Variants in CNTNAP5 observed in about 807,000 individuals in gnomAD.
CNTNAP5 encodes contactin associated protein family member 5.
CNTNAP5 carries 72 observed loss-of-function variants against 150.2 expected under a neutral mutation model. The ratio of observed to expected loss-of-function variants is 0.48; its 90% confidence interval spans 0.40 to 0.58. The LOEUF is 0.58. CNTNAP5 is among the 20% of genes least tolerant of loss of function. The probability of loss-of-function intolerance (pLI) is 0.00; values close to 1 mark genes in which losing one functional copy is unlikely to be tolerated. For missense variants in CNTNAP5, 1,636 were observed against 1,626.2 expected (o/e 1.01, Z -0.10); for synonymous variants, 672 against 619.8 (o/e 1.08, Z -1.25).
chr2:124,082,348 C>CAAAAAAA (rs56285830), intron 1 of CNTNAP5, among the ~76,000 whole-genome samples: 1 of 73,576 alleles, frequency 1.4e-5, no homozygotes, highest in Non-Finnish European at 2.5e-5. Context: ...GACTCTCTCT[C>CAAAAAAA]AAAAAAAAAA....
At chr2:124,661,273 A>T (rs1358480092) in intron 13 of CNTNAP5, among the ~76,000 whole-genome samples, 1 of 152,156 alleles carries the variant, frequency 6.6e-6, no homozygotes, top group Non-Finnish European at 1.5e-5. Context: ...CACATTGCAC[A>T]TCTGTACAAA....
At chr2:124,028,529 G>T (rs1680959404) in intron 1 of CNTNAP5, among the ~76,000 whole-genome samples, 1 of 152,094 alleles carries the variant, frequency 6.6e-6, no homozygotes, top group Non-Finnish European at 1.5e-5. Context: ...AATAAAAACT[G>T]CAGAAATTCC....
At chr2:124,027,421 A>T (rs894195286) in intron 1 of CNTNAP5, among the ~76,000 whole-genome samples, 3 of 152,244 alleles carry the variant, frequency 2.0e-5, no homozygotes, top group Non-Finnish European at 4.4e-5. Flanking sequence ...TTGAAAAGCC[A>T]CAAAGGTGGG....
chr2:124,153,356 C>T (rs1684449139), intron 1 of CNTNAP5, among the ~76,000 whole-genome samples: 1 of 152,084 alleles, frequency 6.6e-6, no homozygotes, highest in African/African-American at 2.4e-5. Flanking sequence ...CAGATGCTGA[C>T]TAGGCTGCCG....
intron 12 of CNTNAP5, among the ~76,000 whole-genome samples, chr2:124,640,973 A>G (rs571786020): frequency 3.1e-4 from 47 of 151,996 alleles, no homozygotes; most frequent in African/African-American, 1.1e-3. Context: ...TAAAAAATAC[A>G]AAATTAGCTG....
intron 3 of CNTNAP5, among the ~76,000 whole-genome samples, chr2:124,264,389 T>C (rs2951179): frequency 0.047 from 5,894 of 126,480 alleles, 318 homozygotes; most frequent in African/African-American, 0.13. Context: ...CACACACACA[T>C]ACACACACAC....
chr2:124,388,603 C>T (rs542860391), intron 3 of CNTNAP5, among the ~76,000 whole-genome samples: 2 of 152,204 alleles, frequency 1.3e-5, no homozygotes, highest in Non-Finnish European at 2.9e-5. Flanking sequence ...CGCTCCTTGT[C>T]TTTCATAATC....
At chr2:124,848,708 T>C (rs1683098664) in intron 19 of CNTNAP5, among the ~76,000 whole-genome samples, 1 of 152,164 alleles carries the variant, frequency 6.6e-6, no homozygotes, top group South Asian at 2.1e-4. Flanking sequence ...AGGTGTGAGG[T>C]GATATCTTAT....
intron 3 of CNTNAP5, among the ~76,000 whole-genome samples, chr2:124,361,417 G>C (rs1573941562): frequency 7.0e-6 from 1 of 143,352 alleles, no homozygotes; most frequent in Admixed American, 7.1e-5. Flanking sequence ...TTTCTGTTCT[G>C]TTTTTTCCCC....
rs368532608 is a variant in CNTNAP5, at chr2:124,510,916, T to A, written c.1327+6360T>A. ...TCCAATGAATGAGCAACTACCTTGATAACCTAATTTATATATTTTAAGCTC... is the reference window on the plus strand; with the variant it reads ...TCCAATGAATGAGCAACTACCTTGAAAACCTAATTTATATATTTTAAGCTC... On this transcript the variant is annotated intron_variant, in intron 8 of 23. Coordinates refer to ENST00000682447, the MANE Select transcript of CNTNAP5 (RefSeq NM_001367498.1). 4.6e-5 allele frequency among the ~76,000 whole-genome samples: 7 copies of A among 152,186 alleles called. No homozygotes were observed. In the East Asian group the frequency reaches 9.6e-4, roughly 21 times the overall value.
intron 3 of CNTNAP5, among the ~76,000 whole-genome samples, chr2:124,274,615 T>C (rs1274179840): frequency 2.0e-5 from 3 of 152,224 alleles, no homozygotes; most frequent in Non-Finnish European, 1.5e-5. Context: ...GAGGAATGTT[T>C]GCATGTGCAG....
At chr2:124,563,926 T>A (rs1295680794) in intron 11 of CNTNAP5, among the ~76,000 whole-genome samples, 1 of 152,152 alleles carries the variant, frequency 6.6e-6, no homozygotes, top group Non-Finnish European at 1.5e-5. Context: ...ACTGGCCAAA[T>A]AAAGCCACGT....
intron 13 of CNTNAP5, among the ~76,000 whole-genome samples, chr2:124,732,560 C>T (rs553754683): frequency 1.2e-4 from 18 of 152,132 alleles, no homozygotes; most frequent in African/African-American, 3.9e-4. Flanking sequence ...AGTGAGCTCC[C>T]GGTAGACATG....
chr2:124,125,949 C>T (rs1429206859), intron 1 of CNTNAP5, among the ~76,000 whole-genome samples: 1 of 152,094 alleles, frequency 6.6e-6, no homozygotes, highest in Non-Finnish European at 1.5e-5. Context: ...TAAATGTCCA[C>T]AAGGGAAAGC....
intron 10 of CNTNAP5, among the ~76,000 whole-genome samples, chr2:124,528,979 T>C (rs778937453): frequency 2.0e-5 from 3 of 151,946 alleles, no homozygotes; most frequent in Non-Finnish European, 4.4e-5. Flanking sequence ...TTGGTGAAAA[T>C]TTACACACAT....
chr2:124,446,351 A>G (rs998428063), intron 5 of CNTNAP5, among the ~76,000 whole-genome samples: 1 of 152,048 alleles, frequency 6.6e-6, no homozygotes, highest in African/African-American at 2.4e-5. Context: ...CCCTTTACGT[A>G]TCCCAGCTTT....
At chr2:124,120,749 G>T (rs1376996596) in intron 1 of CNTNAP5, among the ~76,000 whole-genome samples, 1 of 152,154 alleles carries the variant, frequency 6.6e-6, no homozygotes, top group African/African-American at 2.4e-5. Context: ...TAGTGTGCTT[G>T]AAAGAGTCAC....
At chr2:124,899,454 T>G (rs867318392) in intron 21 of CNTNAP5, among the ~76,000 whole-genome samples, 3 of 151,544 alleles carry the variant, frequency 2.0e-5, no homozygotes, top group Non-Finnish European at 4.4e-5. Context: ...GAACCTTATT[T>G]TGATGATATT....
intron 3 of CNTNAP5, among the ~76,000 whole-genome samples, chr2:124,243,787 C>A (rs911435326): frequency 6.6e-6 from 1 of 151,936 alleles, no homozygotes; most frequent in East Asian, 1.9e-4. Flanking sequence ...AACAAACCTG[C>A]CCATGTACCC....
Sources: allele counts gnomAD v4.1 joint callset (sites outside exome capture counted in the v4.1 genomes callset), GRCh38; gene constraint gnomAD v4.1.1; transcripts MANE v1.5; gene names NCBI Gene and HGNC (gene_info 2026-07-23, HGNC 2026-07-21).